The following TMEM233 variants were observed in gnomAD, a reference collection of about 807,000 sequenced individuals.
TMEM233 encodes the protein transmembrane protein 233.
A neutral mutation model predicts 11.2 loss-of-function variants in TMEM233; 6 were observed. That is an observed-to-expected ratio of 0.54 (90% CI 0.29 to 1.06). TMEM233 has a LOEUF of 1.06. TMEM233 is among the 50% of genes least tolerant of loss of function. The probability of loss-of-function intolerance (pLI) is 0.08; values close to 1 mark genes in which losing one functional copy is unlikely to be tolerated. For synonymous variants in TMEM233, 59 were observed against 55.8 expected (o/e 1.06, Z -0.26); for missense variants, 127 against 144.7 (o/e 0.88, Z 0.63).
chr12:119,637,727 A>T (rs1954996598), intron 2 of TMEM233, among the ~76,000 whole-genome samples: 1 of 152,226 alleles, frequency 6.6e-6, no homozygotes, highest in Non-Finnish European at 1.5e-5. Flanking sequence ...GTAGAGACAA[A>T]TCAGACCTAA....
chr12:119,601,861 A>G (rs185480207), intron 1 of TMEM233, among the ~76,000 whole-genome samples: 38 of 152,258 alleles, frequency 2.5e-4, no homozygotes, highest in Admixed American at 2.0e-3. Flanking sequence ...GCCTCCCAAA[A>G]AGAAGGGAGT....
chr12:119,625,757 A>G (rs960095802), intron 1 of TMEM233, among the ~76,000 whole-genome samples: 2 of 152,206 alleles, frequency 1.3e-5, no homozygotes, highest in African/African-American at 4.8e-5. Flanking sequence ...TTTGCTGAAA[A>G]TTTAGGTACA....
chr12:119,618,718 C>A (rs1015841287), intron 1 of TMEM233, among the ~76,000 whole-genome samples: 7 of 152,188 alleles, frequency 4.6e-5, no homozygotes, highest in African/African-American at 1.7e-4. Flanking sequence ...TGTATTTGCC[C>A]AATGCCTGTA....
At position 119,642,695 on chromosome 12, in the gene TMEM233, T is replaced by C. The variant is rs1955101290; in HGVS notation, c.*1990T>C. 1 of 152,144 alleles carries C rather than the reference T, an allele frequency of 6.6e-6. No homozygotes were observed. The highest frequency in any genetic ancestry group is 1.5e-5 in the Non-Finnish European group (1 of 68,030). The allele number at this position is 152,144 out of a possible 1,614,324, so 9.4% of individuals were successfully genotyped here. A position where few individuals can be genotyped will look rare whatever the true frequency, so the allele number is the denominator to read the frequency against. On this transcript the variant is annotated 3_prime_UTR_variant, in exon 3 of 3. Transcript: ENST00000426426. ...GCCTACTTACCTCACAGTGCTGTTA[T>C]GAGAATTAATTGTTGTAATAGTTGT...
chr12:119,611,008 ACTTC>A (rs1319162851), intron 1 of TMEM233, among the ~76,000 whole-genome samples: 2 of 152,186 alleles, frequency 1.3e-5, no homozygotes, highest in African/African-American at 4.8e-5. Context: ...ATTAATCAGT[ACTTC>A]CTTCTTTTTA....
chr12:119,605,749 A>G (rs1954267869), intron 1 of TMEM233, among the ~76,000 whole-genome samples: 1 of 151,924 alleles, frequency 6.6e-6, no homozygotes, highest in African/African-American at 2.4e-5. Context: ...CTTTGATAGG[A>G]AACAGCTTTG....
At chr12:119,628,205 C>G (rs1196502270) in intron 1 of TMEM233, among the ~76,000 whole-genome samples, 1 of 151,828 alleles carries the variant, frequency 6.6e-6, no homozygotes, top group Non-Finnish European at 1.5e-5. Flanking sequence ...GTTGCCCAGG[C>G]TGGAGTGCAA....
At chr12:119,634,470 G>A (rs980291013) in intron 2 of TMEM233, among the ~76,000 whole-genome samples, 3 of 152,144 alleles carry the variant, frequency 2.0e-5, no homozygotes, top group African/African-American at 7.2e-5. Context: ...TAAATTAGCT[G>A]GGTTTGGTGG....
At chr12:119,640,311 C>A (rs535678043) in intron 2 of TMEM233, among the ~76,000 whole-genome samples, 3 of 152,230 alleles carry the variant, frequency 2.0e-5, no homozygotes, top group Admixed American at 6.5e-5. Flanking sequence ...CCCGCCACCA[C>A]GCCCGGCTAA....
chr12:119,624,192 A>C (rs1218119221), intron 1 of TMEM233, among the ~76,000 whole-genome samples: 4 of 150,486 alleles, frequency 2.7e-5, no homozygotes, highest in African/African-American at 9.7e-5. Flanking sequence ...TCTACCAAAA[A>C]TTAAAAAAAA....
chr12:119,646,659 C>T (rs1279681596), downstream of TMEM233, among the ~76,000 whole-genome samples: 2 of 152,134 alleles, frequency 1.3e-5, no homozygotes, highest in African/African-American at 4.8e-5. Context: ...TATTATCTAC[C>T]TCCTCCCCTT....
At chr12:119,636,044 C>T (rs1046195167) in intron 2 of TMEM233, among the ~76,000 whole-genome samples, 12 of 152,128 alleles carry the variant, frequency 7.9e-5, no homozygotes, top group Non-Finnish European at 1.6e-4. Flanking sequence ...ACATCACTGG[C>T]CATTGGTGCC....
chr12:119,606,503 A>G (rs1382422525), intron 1 of TMEM233, among the ~76,000 whole-genome samples: 1 of 152,236 alleles, frequency 6.6e-6, no homozygotes, highest in Non-Finnish European at 1.5e-5. Flanking sequence ...ACGTTGTTTG[A>G]AGAAAAAAAC....
intron 1 of TMEM233, among the ~76,000 whole-genome samples, chr12:119,608,055 C>T (rs1322636565): frequency 6.6e-6 from 1 of 152,202 alleles, no homozygotes; most frequent in Non-Finnish European, 1.5e-5. Flanking sequence ...TACAGCTTAG[C>T]ACAGCTCCTG....
rs1955081535 is a variant in TMEM233 at position 119,641,391 on chromosome 12, C to T, written c.*686C>T. On this transcript the variant is annotated 3_prime_UTR_variant, in exon 3 of 3. Coordinates refer to ENST00000426426, the MANE Select transcript of TMEM233 (RefSeq NM_001136534.3). Reference sequence around the variant, plus strand: ...AACTTGACCAAAACCTCACTCTTCACTCAAACAGGCTCTGAGAATGGACTT... The same window carrying T: ...AACTTGACCAAAACCTCACTCTTCATTCAAACAGGCTCTGAGAATGGACTT... 6.6e-6 allele frequency: 1 copy of T among 152,182 alleles called. No individual in the cohort carries two copies. Among genetic ancestry groups the T allele is most frequent in the African/African-American group, 2.4e-5 (1 of 41,428 alleles). 9.4% of individuals were successfully genotyped at this position (152,182 alleles called of 1,614,324 possible). A position where few individuals can be genotyped will look rare whatever the true frequency, so the allele number is the denominator to read the frequency against.
chr12:119,621,663 G>T (rs574925772), intron 1 of TMEM233, among the ~76,000 whole-genome samples: 1 of 152,328 alleles, frequency 6.6e-6, no homozygotes, highest in Admixed American at 6.5e-5. Context: ...CTAGCTCATA[G>T]TGTTGTGAGG....
chr12:119,630,776 G>A (rs1049193415), intron 2 of TMEM233, among the ~76,000 whole-genome samples: 2 of 152,250 alleles, frequency 1.3e-5, no homozygotes, highest in African/African-American at 2.4e-5. Flanking sequence ...GGTAGGAAAT[G>A]TGGGAGAATA....
rs951372073 is a variant in TMEM233, at chr12:119,642,730, T to C, written c.*2025T>C. ...TTGTTGTAATAGTTGTGACTAACCA[T>C]TGGCGGGGAGAATTCTAAGTACTAT... On this transcript the variant is annotated 3_prime_UTR_variant, in exon 3 of 3. Transcript: ENST00000426426. The C allele has an allele frequency of 6.6e-6, 1 of 152,260 alleles. No homozygotes were observed. Among genetic ancestry groups the C allele is most frequent in the African/African-American group, 2.4e-5 (1 of 41,564 alleles). 9.4% of individuals were successfully genotyped at this position (152,260 alleles called of 1,614,324 possible). A position where few individuals can be genotyped will look rare whatever the true frequency, so the allele number is the denominator to read the frequency against.
At chr12:119,616,500 C>T (rs11064848) in intron 1 of TMEM233, among the ~76,000 whole-genome samples, 1,708 of 152,244 alleles carry the variant, frequency 0.011, 30 homozygotes, top group African/African-American at 0.039. Flanking sequence ...AGTGCTATAG[C>T]TTAGAAAAGA....
Sources: gnomAD v4.1 joint callset for allele counts (sites outside exome capture counted in the v4.1 genomes callset) on GRCh38, gnomAD v4.1.1 for gene constraint, MANE v1.5 for transcripts, NCBI Gene and HGNC (gene_info 2026-07-23, HGNC 2026-07-21) for gene names.